TRA2A: variants seen among roughly 807,000 people sequenced by gnomAD.
TRA2A encodes the protein transformer 2 alpha homolog.
Under a neutral mutation model 45.7 loss-of-function variants are expected in TRA2A, and 31 were observed. The ratio of observed to expected loss-of-function variants is 0.68; its 90% CI spans 0.51 to 0.92. TRA2A has a LOEUF of 0.92. TRA2A is among the 40% of genes least tolerant of loss of function. The pLI, the probability that TRA2A is intolerant of heterozygous loss-of-function variation, is 0.00. For synonymous variants in TRA2A, 132 were observed against 126.2 expected (o/e 1.05, Z -0.31); for missense variants, 304 against 367.5 (o/e 0.83, Z 1.41).
At chr7:23,505,690 G>A in intron 7 of TRA2A, 56 bp downstream of exon 7, 1 of 1,142,552 alleles carries the variant, frequency 8.8e-7, no homozygotes, top group Non-Finnish European at 1.2e-6. Context: ...ATATTCTAAA[G>A]TAAGCCATTA....
At chr7:23,524,147 G>A (rs1334753976) in intron 1 of TRA2A, among the ~76,000 whole-genome samples, 1 of 152,106 alleles carries the variant, frequency 6.6e-6, no homozygotes, top group Non-Finnish European at 1.5e-5. Context: ...TAGCAACAAA[G>A]CATTATGGTA....
At chr7:23,529,578 G>A (rs915002258) in intron 1 of TRA2A, among the ~76,000 whole-genome samples, 1 of 152,066 alleles carries the variant, frequency 6.6e-6, no homozygotes, top group Admixed American at 6.6e-5. Context: ...ATTTTAAAAA[G>A]GGCATCTCCA....
chr7:23,523,000 A>G (rs1790196863), intron 1 of TRA2A, among the ~76,000 whole-genome samples: 1 of 152,198 alleles, frequency 6.6e-6, no homozygotes, highest in Admixed American at 6.5e-5. Context: ...CTGACTTAAA[A>G]TATGTTCTGA....
intron 5 of TRA2A, chr7:23,507,219 G>C (rs1464860048): frequency 1.9e-6 from 1 of 531,924 alleles, no homozygotes; most frequent in Admixed American, 3.1e-5. Context: ...CTGTGCCTCA[G>C]CTCCCGAGCA....
intron 2 of TRA2A, among the ~76,000 whole-genome samples, chr7:23,517,354 C>T (rs886583638): frequency 8.6e-5 from 13 of 151,054 alleles, no homozygotes; most frequent in Middle Eastern, 3.2e-3. Context: ...TGGCGGGCAC[C>T]TGTAGTCCCA....
At chr7:23,515,988 A>C (rs970967292) in intron 3 of TRA2A, among the ~76,000 whole-genome samples, 1 of 152,010 alleles carries the variant, frequency 6.6e-6, no homozygotes, top group Non-Finnish European at 1.5e-5. Context: ...CAGAGGGGTC[A>C]ACATGGTGAA....
At chr7:23,521,127 C>CATCT (rs1447948937) in intron 2 of TRA2A, among the ~76,000 whole-genome samples, 3 of 152,156 alleles carry the variant, frequency 2.0e-5, no homozygotes, top group African/African-American at 7.2e-5. Flanking sequence ...CGCCCAATTA[C>CATCT]ATCTCACCAG....
intron 1 of TRA2A, among the ~76,000 whole-genome samples, chr7:23,522,867 G>C (rs1171142483): frequency 6.6e-6 from 1 of 152,204 alleles, no homozygotes; most frequent in South Asian, 2.1e-4. Context: ...ATCCCAGGCT[G>C]AAATATTTGT....
At chr7:23,506,505 G>T (rs534261845) in intron 5 of TRA2A, 90 of 438,082 alleles carry the variant, frequency 2.1e-4, no homozygotes, top group Middle Eastern at 5.8e-4. Flanking sequence ...TTCTACTAAT[G>T]CACTGCCCAA....
At chr7:23,511,243 C>T (rs943669704) in intron 4 of TRA2A, among the ~76,000 whole-genome samples, 2 of 151,188 alleles carry the variant, frequency 1.3e-5, no homozygotes, top group Admixed American at 6.6e-5. Context: ...TGGTGGCGGG[C>T]GTCTGTAGTC....
chr7:23,515,227 T>C (rs992620677), intron 3 of TRA2A, among the ~76,000 whole-genome samples: 26 of 138,414 alleles, frequency 1.9e-4, no homozygotes, highest in South Asian at 1.2e-3. Flanking sequence ...ATATTTCTTT[T>C]TTTTTTTTTT....
chr7:23,531,306 T>A (rs1245101750), intron 1 of TRA2A: 1 of 954,212 alleles, frequency 1.0e-6, no homozygotes, highest in Admixed American at 5.8e-5. Flanking sequence ...AGGCCCCAGC[T>A]AGTCCCACGC....
intron 4 of TRA2A, among the ~76,000 whole-genome samples, chr7:23,508,024 G>A (rs1265255927): frequency 6.6e-6 from 1 of 152,058 alleles, no homozygotes; most frequent in African/African-American, 2.4e-5. Flanking sequence ...GGTTTGCTAA[G>A]CTTTATACAT....
intron 1 of TRA2A, among the ~76,000 whole-genome samples, chr7:23,527,534 T>A (rs539349401): frequency 1.5e-4 from 23 of 152,350 alleles, no homozygotes; most frequent in Middle Eastern, 6.8e-3. Flanking sequence ...CAAAGAAAGT[T>A]TTCTGCCAGT....
At chr7:23,531,558 C>T (rs1790585580) in intron 1 of TRA2A, 2 of 590,224 alleles carry the variant, frequency 3.4e-6, no homozygotes, top group Admixed American at 3.2e-5. Context: ...GGAAGAGGAC[C>T]CAGAAGTCCA....
intron 3 of TRA2A, among the ~76,000 whole-genome samples, chr7:23,515,189 T>C (rs375230908): frequency 1.3e-5 from 2 of 152,046 alleles, no homozygotes; most frequent in East Asian, 1.9e-4. Context: ...CCAACTCAAT[T>C]TATGCTTTTC....
intron 1 of TRA2A, among the ~76,000 whole-genome samples, chr7:23,528,550 G>T (rs1790435422): frequency 6.6e-6 from 1 of 151,980 alleles, no homozygotes; most frequent in South Asian, 2.1e-4. Flanking sequence ...GGTTTTGATA[G>T]TCATCATCCC....
chr7:23,517,477 C>CAAAAAAAAGAAAA (rs1789930506), intron 2 of TRA2A, among the ~76,000 whole-genome samples: 1 of 13,940 alleles, frequency 7.2e-5, no homozygotes, highest in Non-Finnish European at 1.8e-4. Flanking sequence ...GACTACGTCT[C>CAAAAAAAAGAAAA]AAAAAAAAAA....
chr7:23,511,127 C>A (rs1339972521), intron 4 of TRA2A, among the ~76,000 whole-genome samples: 1 of 151,746 alleles, frequency 6.6e-6, no homozygotes, highest in Non-Finnish European at 1.5e-5. Flanking sequence ...ATTCCAACAC[C>A]TTGGGAGGCT....
Sources: allele counts gnomAD v4.1 joint callset (sites outside exome capture counted in the v4.1 genomes callset), GRCh38; gene constraint gnomAD v4.1.1; transcripts MANE v1.5; gene names NCBI Gene and HGNC (gene_info 2026-07-23, HGNC 2026-07-21).